NELL1: variants seen among roughly 807,000 people sequenced by gnomAD.
NELL1 encodes the protein protein kinase C-binding protein NELL1.
In NELL1, 76 loss-of-function variants were observed where a neutral mutation model predicts 107.4. The ratio of observed to expected loss-of-function variants is 0.71; its 90% CI spans 0.59 to 0.86. The LOEUF (loss-of-function observed/expected upper bound fraction) is 0.86, where lower values mean the gene tolerates loss of function less well. NELL1 is among the 40% of genes least tolerant of loss of function. The pLI is 0.00. For missense variants in NELL1, 1,024 were observed against 1,005.5 expected, an observed-to-expected ratio of 1.02 and a Z score of -0.25; for synonymous variants, 353 against 341.2, an observed-to-expected ratio of 1.03 and a Z score of -0.38.
chr11:21,344,403 G>A (rs576966656), intron 14 of NELL1, among the ~76,000 whole-genome samples: 79 of 152,278 alleles, frequency 5.2e-4, no homozygotes, highest in African/African-American at 1.8e-3. Context: ...ATCTGGTGTA[G>A]AAGCTATAGT....
intron 13 of NELL1, chr11:21,170,105 G>A (rs1375637877): frequency 2.4e-6 from 2 of 820,048 alleles, no homozygotes; most frequent in East Asian, 2.5e-5. Flanking sequence ...GGATGTGGAG[G>A]CAAAACCACC....
chr11:21,321,538 A>G (rs557837209), intron 14 of NELL1, among the ~76,000 whole-genome samples: 6 of 152,342 alleles, frequency 3.9e-5, no homozygotes, highest in African/African-American at 1.4e-4. Flanking sequence ...AATAACTGAT[A>G]TAGAATAGGA....
In NELL1 at chr11:20,677,944, G is replaced by T; in HGVS notation, c.68G>T (p.Gly23Val). Residue 23 changes from glycine to valine, a missense_variant, in exon 2 of 20, where the codon GGG (glycine) becomes GTG (valine). Transcript: ENST00000357134. Reference protein sequence around the residue: ...VCTARTVVGFGMDPDLQMDIV... With the variant: ...VCTARTVVGFVMDPDLQMDIV... ...TGTTCCTTTCCAGTGGTGGGCTTTG[G>T]GATGGACCCTGACCTTCAGATGGAT... 6.2e-7 allele frequency: 1 copy of T among 1,614,062 alleles called. No individual in the cohort carries two copies. Among genetic ancestry groups the T allele is most frequent in the Non-Finnish European group, 8.5e-7 (1 of 1,179,990 alleles).
At chr11:21,205,796 G>A (rs1212153870) in intron 13 of NELL1, among the ~76,000 whole-genome samples, 1 of 152,322 alleles carries the variant, frequency 6.6e-6, no homozygotes, top group African/African-American at 2.4e-5. Flanking sequence ...GGGCTCAGAT[G>A]TGAGAAATGT....
At chr11:21,483,081 A>G (rs562052985) in intron 15 of NELL1, among the ~76,000 whole-genome samples, 22 of 152,116 alleles carry the variant, frequency 1.4e-4, no homozygotes, top group Non-Finnish European at 2.6e-4. Flanking sequence ...TCTTAATAGT[A>G]TAAGAGTGCC....
At chr11:21,510,122 G>A (rs2133943301) in intron 15 of NELL1, among the ~76,000 whole-genome samples, 1 of 152,352 alleles carries the variant, frequency 6.6e-6, no homozygotes, top group South Asian at 2.1e-4. Flanking sequence ...CTGTAGGGTA[G>A]GCGGGGAGGA....
At chr11:20,898,508 CAT>C (rs200847890) in intron 5 of NELL1, among the ~76,000 whole-genome samples, 1 of 150,634 alleles carries the variant, frequency 6.6e-6, no homozygotes, top group Non-Finnish European at 1.5e-5. Context: ...CAACATGGCA[CAT>C]ATATATATAT....
chr11:21,433,807 T>C (rs932320799), intron 15 of NELL1, among the ~76,000 whole-genome samples: 3 of 151,958 alleles, frequency 2.0e-5, no homozygotes, highest in African/African-American at 7.2e-5. Flanking sequence ...TCCGTAGTAG[T>C]TGGGATTACA....
At chr11:21,477,627 T>TAAC (rs1425243433) in intron 15 of NELL1, among the ~76,000 whole-genome samples, 4 of 152,048 alleles carry the variant, frequency 2.6e-5, no homozygotes, top group African/African-American at 9.6e-5. Flanking sequence ...AATAAATACC[T>TAAC]AACTCTGCCC....
chr11:21,185,530 G>C (rs60947327), intron 13 of NELL1, among the ~76,000 whole-genome samples: 1,593 of 151,622 alleles, frequency 0.011, 48 homozygotes, highest in African/African-American at 0.037. Flanking sequence ...TCTGACCTCA[G>C]GTGATCCACC....
intron 14 of NELL1, among the ~76,000 whole-genome samples, chr11:21,359,659 A>C (rs147930435): frequency 0.013 from 1,966 of 152,236 alleles, 16 homozygotes; most frequent in Non-Finnish European, 0.02. Flanking sequence ...TTTTAAAATT[A>C]CTGTTTCAAT....
intron 15 of NELL1, among the ~76,000 whole-genome samples, chr11:21,425,576 G>A (rs1281634791): frequency 6.6e-6 from 1 of 152,132 alleles, no homozygotes; most frequent in Non-Finnish European, 1.5e-5. Context: ...AGAAAGGGTA[G>A]TGAACCAAGG....
At chr11:20,906,073 T>G (rs1296570345) in intron 5 of NELL1, among the ~76,000 whole-genome samples, 1 of 152,130 alleles carries the variant, frequency 6.6e-6, no homozygotes, top group African/African-American at 2.4e-5. Context: ...GACTTCTTCA[T>G]GAGATTAGCA....
At chr11:21,323,532 A>T (rs759646359) in intron 14 of NELL1, among the ~76,000 whole-genome samples, 2 of 152,050 alleles carry the variant, frequency 1.3e-5, no homozygotes, top group Non-Finnish European at 2.9e-5. Flanking sequence ...ATTTATATCT[A>T]TTGGGTTTTC....
intron 15 of NELL1, among the ~76,000 whole-genome samples, chr11:21,513,178 T>C (rs900312183): frequency 6.6e-6 from 1 of 152,194 alleles, no homozygotes; most frequent in African/African-American, 2.4e-5. Context: ...TTCTGATTTG[T>C]AATTCACTAC....
intron 14 of NELL1, among the ~76,000 whole-genome samples, chr11:21,368,447 G>A (rs1176868633): frequency 2.0e-5 from 3 of 151,172 alleles, no homozygotes; most frequent in Non-Finnish European, 2.9e-5. Flanking sequence ...TGTGAACACC[G>A]GATTGTAGAT....
chr11:20,702,912 A>G (rs987763737), intron 2 of NELL1, among the ~76,000 whole-genome samples: 1 of 152,184 alleles, frequency 6.6e-6, no homozygotes, highest in Non-Finnish European at 1.5e-5. Context: ...TTGGTTTGCC[A>G]GCATTTTATT....
intron 10 of NELL1, among the ~76,000 whole-genome samples, chr11:20,945,893 G>A (rs912621087): frequency 9.9e-5 from 15 of 152,140 alleles, no homozygotes; most frequent in African/African-American, 3.6e-4. Flanking sequence ...AGGGACAATT[G>A]TAAGATAGTC....
intron 12 of NELL1, among the ~76,000 whole-genome samples, chr11:21,017,792 G>A (rs1029027077): frequency 2.0e-5 from 3 of 152,012 alleles, no homozygotes; most frequent in African/African-American, 2.4e-5. Context: ...ACTTGATCAT[G>A]TCTGTCTTCT....
Sources: allele counts gnomAD v4.1 joint callset (sites outside exome capture counted in the v4.1 genomes callset), GRCh38; gene constraint gnomAD v4.1.1; transcripts MANE v1.5; gene names NCBI Gene and HGNC (gene_info 2026-07-23, HGNC 2026-07-21).